BICC1: variants seen among roughly 807,000 people sequenced by gnomAD.
BICC1 encodes BicC family RNA binding protein 1, also known as protein bicaudal C homolog 1.
Under a neutral mutation model 111.0 loss-of-function variants are expected in BICC1, and 43 were observed. The observed-to-expected ratio is 0.39, with a 90% CI of 0.30 to 0.50. The LOEUF (loss-of-function observed/expected upper bound fraction) is 0.50, where lower values mean the gene tolerates loss of function less well. Among genes scored for constraint, BICC1 ranks in the 20% least tolerant of loss-of-function variants. BICC1 has a pLI of 0.88. For synonymous variants in BICC1, 467 were observed against 434.4 expected (o/e 1.07, Z -0.93); for missense variants, 1,091 against 1,203.2 (o/e 0.91, Z 1.38).
intron 1 of BICC1, among the ~76,000 whole-genome samples, chr10:58,554,407 A>G (rs1255812543): frequency 6.6e-6 from 1 of 152,182 alleles, no homozygotes; most frequent in Non-Finnish European, 1.5e-5. Flanking sequence ...ACTTTAGTCA[A>G]TGCTGTAGTT....
intron 3 of BICC1, among the ~76,000 whole-genome samples, chr10:58,756,566 C>T (rs979910447): frequency 2.6e-5 from 4 of 151,136 alleles, no homozygotes; most frequent in African/African-American, 9.8e-5. Flanking sequence ...TAAGGGTTTT[C>T]CATGGGCTCG....
chr10:58,611,138 C>G (rs1845405063), intron 1 of BICC1, among the ~76,000 whole-genome samples: 1 of 152,156 alleles, frequency 6.6e-6, no homozygotes, highest in Admixed American at 6.6e-5. Flanking sequence ...AATGCTGTGA[C>G]AGACCAGTAA....
chr10:58,705,028 T>C (rs566980150), intron 3 of BICC1, among the ~76,000 whole-genome samples: 1 of 152,304 alleles, frequency 6.6e-6, no homozygotes, highest in South Asian at 2.1e-4. Context: ...TGAGTGGCCG[T>C]ATGGCTCACT....
chr10:58,734,822 A>G (rs1263533238), intron 3 of BICC1, among the ~76,000 whole-genome samples: 4 of 152,176 alleles, frequency 2.6e-5, no homozygotes, highest in African/African-American at 9.6e-5. Context: ...TAAATATTAA[A>G]TACCTATTTT....
At chr10:58,690,036 T>C (rs1351698301) in intron 2 of BICC1, among the ~76,000 whole-genome samples, 1 of 152,220 alleles carries the variant, frequency 6.6e-6, no homozygotes, top group Non-Finnish European at 1.5e-5. Flanking sequence ...CATAAACATA[T>C]TGTTTACTTT....
At chr10:58,671,168 C>A (rs1280874660) in intron 2 of BICC1, among the ~76,000 whole-genome samples, 1 of 152,098 alleles carries the variant, frequency 6.6e-6, no homozygotes, top group Non-Finnish European at 1.5e-5. Context: ...TCCAAGAAAA[C>A]CTTCTTATAT....
chr10:58,560,369 G>A (rs1371153958), intron 1 of BICC1, among the ~76,000 whole-genome samples: 1 of 151,816 alleles, frequency 6.6e-6, no homozygotes, highest in South Asian at 2.1e-4. Context: ...CATAACAAGC[G>A]CTGATCTTTT....
intron 1 of BICC1, among the ~76,000 whole-genome samples, chr10:58,582,816 C>T (rs1176216330): frequency 6.6e-6 from 1 of 152,172 alleles, no homozygotes. Flanking sequence ...ATTCTTCTGC[C>T]TTTCTCTTCC....
At chr10:58,809,972 C>T (rs530633669) in intron 17 of BICC1, among the ~76,000 whole-genome samples, 4 of 152,288 alleles carry the variant, frequency 2.6e-5, no homozygotes, top group East Asian at 1.9e-4. Flanking sequence ...AAGAATCACT[C>T]GGAGAGCTTA....
intron 3 of BICC1, among the ~76,000 whole-genome samples, chr10:58,738,087 G>T (rs1841531602): frequency 1.3e-5 from 2 of 152,110 alleles, no homozygotes. Context: ...AAGCTCTTTA[G>T]TTTAATTAGA....
At chr10:58,733,448 A>G (rs1272713520) in intron 3 of BICC1, among the ~76,000 whole-genome samples, 1 of 152,256 alleles carries the variant, frequency 6.6e-6, no homozygotes, top group African/African-American at 2.4e-5. Flanking sequence ...CTCAGAGAAC[A>G]CACTTGCTTA....
chr10:58,572,781 AT>A (rs976806463), intron 1 of BICC1, among the ~76,000 whole-genome samples: 5 of 152,144 alleles, frequency 3.3e-5, no homozygotes, highest in African/African-American at 1.2e-4. Flanking sequence ...GAGATGGGAA[AT>A]GTGAGAACAC....
At chr10:58,546,159 A>G (rs988081856) in intron 1 of BICC1, among the ~76,000 whole-genome samples, 2 of 152,124 alleles carry the variant, frequency 1.3e-5, no homozygotes, top group South Asian at 2.1e-4. Flanking sequence ...GCTTACAGAT[A>G]CTGTTGGTCT....
At chr10:58,755,911 G>T (rs1842130803) in intron 3 of BICC1, among the ~76,000 whole-genome samples, 1 of 152,140 alleles carries the variant, frequency 6.6e-6, no homozygotes, top group African/African-American at 2.4e-5. Flanking sequence ...CAGTTCTGCT[G>T]TTTTTGCCGT....
chr10:58,695,721 A>T lies in BICC1; in HGVS notation c.238-6353A>T, dbSNP rs117654016. ...GGCAAAGGTTTCCTTCATCTGTAAG[A>T]TATTATCCGGTAATTGCTGCAAACC... On this transcript the variant is annotated intron_variant, in intron 2 of 20. Coordinates refer to ENST00000373886, the MANE Select transcript of BICC1 (RefSeq NM_001080512.3). Among the ~76,000 whole-genome samples the T allele has an allele frequency of 4.4e-3, 668 of 152,302 alleles. 2 individuals carry two copies. Among genetic ancestry groups the T allele is most frequent in the Non-Finnish European group, 6.9e-3 (471 of 68,034 alleles).
chr10:58,740,399 T>A (rs1354052287), intron 3 of BICC1, among the ~76,000 whole-genome samples: 1 of 152,172 alleles, frequency 6.6e-6, no homozygotes, highest in African/African-American at 2.4e-5. Context: ...CCTTTGACAT[T>A]TAAAAGTTGT....
At chr10:58,549,147 G>T (rs528190342) in intron 1 of BICC1, among the ~76,000 whole-genome samples, 14 of 149,478 alleles carry the variant, frequency 9.4e-5, no homozygotes, top group South Asian at 2.1e-4. Flanking sequence ...CCCTCAGCCA[G>T]TTTTTTTTTT....
intron 3 of BICC1, among the ~76,000 whole-genome samples, chr10:58,761,743 G>A (rs1183272355): frequency 1.3e-5 from 2 of 152,090 alleles, no homozygotes; most frequent in Non-Finnish European, 2.9e-5. Flanking sequence ...GAAAAGTAAG[G>A]ACTGGCATGG....
At chr10:58,512,725 C>T (rs904826350), upstream of BICC1, among the ~76,000 whole-genome samples, 1 of 151,714 alleles carries the variant, frequency 6.6e-6, no homozygotes. Context: ...TGTGTGTGCG[C>T]GCGCGAGTGT....
Sources: gnomAD v4.1 joint callset for allele counts (sites outside exome capture counted in the v4.1 genomes callset) on GRCh38, gnomAD v4.1.1 for gene constraint, MANE v1.5 for transcripts, NCBI Gene and HGNC (gene_info 2026-07-23, HGNC 2026-07-21) for gene names.